The following CDH8 variants were observed in gnomAD, a reference collection of about 807,000 sequenced individuals.
CDH8 encodes cadherin-8.
A neutral mutation model predicts 68.1 loss-of-function variants in CDH8; 17 were observed. The ratio of observed to expected loss-of-function variants is 0.25; its 90% CI spans 0.17 to 0.37. The LOEUF (loss-of-function observed/expected upper bound fraction) is 0.37, where lower values mean the gene tolerates loss of function less well. Ranked by LOEUF, CDH8 falls within the 10% of genes least tolerant of loss-of-function variation. CDH8 has a pLI of 1.00. For synonymous variants in CDH8, 372 were observed against 365.1 expected (o/e 1.02, Z -0.21); for missense variants, 763 against 999.3 (o/e 0.76, Z 3.19).
At chr16:61,757,794 A>G (rs2142961379) in intron 8 of CDH8, among the ~76,000 whole-genome samples, 1 of 152,286 alleles carries the variant, frequency 6.6e-6, no homozygotes, top group African/African-American at 2.4e-5. Flanking sequence ...GTCTCTTCAA[A>G]GCTGCCCCAG....
chr16:62,033,411 T>C (rs954536164), intron 1 of CDH8, among the ~76,000 whole-genome samples: 2 of 152,188 alleles, frequency 1.3e-5, no homozygotes, highest in Non-Finnish European at 2.9e-5. Context: ...TTTTCTGTTC[T>C]TTTAGCTAAA....
intron 10 of CDH8, among the ~76,000 whole-genome samples, chr16:61,689,361 G>A (rs1964172217): frequency 6.6e-6 from 1 of 151,936 alleles, no homozygotes; most frequent in Non-Finnish European, 1.5e-5. Context: ...GCTAAAATGA[G>A]ATAAGATGCT....
At chr16:61,696,588 C>CCCAGCATTT (rs1964332430) in intron 10 of CDH8, among the ~76,000 whole-genome samples, 1 of 152,092 alleles carries the variant, frequency 6.6e-6, no homozygotes, top group African/African-American at 2.4e-5. Flanking sequence ...TACCATTTGA[C>CCCAGCATTT]CCAGCATTTC....
chr16:61,687,599 A>G (rs1964134708), intron 10 of CDH8, among the ~76,000 whole-genome samples: 1 of 151,968 alleles, frequency 6.6e-6, no homozygotes, highest in African/African-American at 2.4e-5. Flanking sequence ...CAGCCCTCAC[A>G]CAAACCTTCC....
At chr16:62,016,659 C>T (rs979447821) in intron 2 of CDH8, among the ~76,000 whole-genome samples, 5 of 152,150 alleles carry the variant, frequency 3.3e-5, no homozygotes, top group African/African-American at 9.7e-5. Flanking sequence ...GATGTGAATG[C>T]TCAATGTTTA....
intron 2 of CDH8, among the ~76,000 whole-genome samples, chr16:62,004,736 G>A (rs930698664): frequency 1.3e-5 from 2 of 152,294 alleles, no homozygotes; most frequent in African/African-American, 4.8e-5. Flanking sequence ...ATAGTAAATT[G>A]TAAAATAGAA....
Position 61,651,051 on chromosome 16 carries a change from A to G in CDH8, c.*2557T>C, listed in dbSNP as rs530744775. 1.5e-4 allele frequency: 23 copies of G among 152,254 alleles called. No individual in the cohort carries two copies. Among genetic ancestry groups the G allele is most frequent in the African/African-American group, 4.8e-4 (20 of 41,550 alleles). The allele number at this position is 152,254 out of a possible 1,614,324, so 9.4% of individuals were successfully genotyped here. A position where few individuals can be genotyped will look rare whatever the true frequency, so the allele number is the denominator to read the frequency against. On this transcript the variant is annotated 3_prime_UTR_variant, in exon 12 of 12. Transcript: ENST00000577390. ...GTTGATTACCAATATTTGAGGATACAGATTTTATACTCCTTAAAAAATACT... is the reference window on the plus strand; with the variant it reads ...GTTGATTACCAATATTTGAGGATACGGATTTTATACTCCTTAAAAAATACT...
chr16:61,854,414 G>T (rs1751796618), intron 4 of CDH8, among the ~76,000 whole-genome samples: 1 of 151,568 alleles, frequency 6.6e-6, no homozygotes, highest in South Asian at 2.1e-4. Flanking sequence ...CCATTGTTTT[G>T]GTCAAGATGT....
At chr16:61,997,172 T>C (rs1965819535) in intron 2 of CDH8, among the ~76,000 whole-genome samples, 1 of 152,172 alleles carries the variant, frequency 6.6e-6, no homozygotes. Flanking sequence ...ACTTAAAGTC[T>C]CTCAGAGTCC....
chr16:61,758,233 T>C (rs1318569329), intron 8 of CDH8, among the ~76,000 whole-genome samples: 1 of 151,982 alleles, frequency 6.6e-6, no homozygotes, highest in African/African-American at 2.4e-5. Context: ...CACCTTTGAG[T>C]CATGTAGAAA....
At chr16:61,753,580 A>G (rs1161783449) in intron 8 of CDH8, among the ~76,000 whole-genome samples, 2 of 152,156 alleles carry the variant, frequency 1.3e-5, no homozygotes, top group East Asian at 3.9e-4. Context: ...ATTCCAAAGA[A>G]ATAATGATTC....
intron 2 of CDH8, among the ~76,000 whole-genome samples, chr16:61,906,561 A>T (rs77748585): frequency 0.022 from 3,324 of 152,324 alleles, 111 homozygotes; most frequent in African/African-American, 0.076. Flanking sequence ...ATATTTGCCT[A>T]ACACCATCCA....
At chr16:61,722,574 A>T (rs1959231854) in intron 9 of CDH8, among the ~76,000 whole-genome samples, 2 of 150,852 alleles carry the variant, frequency 1.3e-5, no homozygotes, top group Admixed American at 1.3e-4. Flanking sequence ...GGAATTTTTC[A>T]TCTGAAGAGG....
chr16:61,793,241 A>T (rs769207489), intron 7 of CDH8, among the ~76,000 whole-genome samples: 3 of 151,632 alleles, frequency 2.0e-5, no homozygotes, highest in Non-Finnish European at 2.9e-5. Context: ...CGATTAATTC[A>T]TTTCTTTTTT....
chr16:61,657,115 A>G (rs1963463595), intron 10 of CDH8, among the ~76,000 whole-genome samples: 1 of 151,862 alleles, frequency 6.6e-6, no homozygotes, highest in Admixed American at 6.6e-5. Flanking sequence ...CTACCTAATC[A>G]TTGCATGTAA....
At chr16:61,681,645 AC>A (rs1280009172) in intron 10 of CDH8, among the ~76,000 whole-genome samples, 2 of 151,736 alleles carry the variant, frequency 1.3e-5, no homozygotes, top group Non-Finnish European at 2.9e-5. Context: ...ATTAAATTGT[AC>A]CACAAAATGG....
At chr16:62,032,201 T>G (rs906421098) in intron 1 of CDH8, among the ~76,000 whole-genome samples, 1 of 152,038 alleles carries the variant, frequency 6.6e-6, no homozygotes, top group Non-Finnish European at 1.5e-5. Context: ...CAAATCAGAG[T>G]AGCCAGAAAG....
chr16:61,866,183 T>A (rs1963249748), intron 3 of CDH8, among the ~76,000 whole-genome samples: 1 of 151,886 alleles, frequency 6.6e-6, no homozygotes, highest in African/African-American at 2.4e-5. Flanking sequence ...GTGATCATGC[T>A]ACTGCACTCC....
intron 8 of CDH8, among the ~76,000 whole-genome samples, chr16:61,738,407 G>A (rs1278581900): frequency 6.6e-6 from 1 of 152,010 alleles, no homozygotes; most frequent in Non-Finnish European, 1.5e-5. Context: ...TATCTACAAT[G>A]AACCCTCAGA....
Sources: allele counts gnomAD v4.1 joint callset (sites outside exome capture counted in the v4.1 genomes callset), GRCh38; gene constraint gnomAD v4.1.1; transcripts MANE v1.5; gene names NCBI Gene and HGNC (gene_info 2026-07-23, HGNC 2026-07-21).